UFL1: variants seen among roughly 807,000 people sequenced by gnomAD.
UFL1 encodes the protein UFM1 specific ligase 1.
A neutral mutation model predicts 99.3 loss-of-function variants in UFL1; 78 were observed. The ratio of observed to expected loss-of-function variants is 0.79; its 90% CI spans 0.65 to 0.95. The LOEUF is 0.95. Ranked by LOEUF, UFL1 falls within the 40% of genes least tolerant of loss-of-function variation. The pLI, the probability that UFL1 is intolerant of heterozygous loss-of-function variation, is 0.00. For synonymous variants in UFL1, 335 were observed against 322.2 expected, an observed-to-expected ratio of 1.04 and a Z score of -0.42; for missense variants, 936 against 937.0, an observed-to-expected ratio of 1.00 and a Z score of 0.01.
intron 5 of UFL1, among the ~76,000 whole-genome samples, chr6:96,527,140 T>C (rs901970882): frequency 6.6e-6 from 1 of 152,046 alleles, no homozygotes; most frequent in African/African-American, 2.4e-5. Flanking sequence ...CTGTTTTTTT[T>C]TGTTTGTTTT....
Position 96,549,780 on chromosome 6 carries a change from C to T in UFL1, c.1799C>T (p.Pro600Leu), listed in dbSNP as rs1239322456. The T allele has an allele frequency of 1.2e-6, 2 of 1,611,746 alleles. No homozygotes were observed. The highest frequency in any genetic ancestry group is 2.2e-5 in the East Asian group (1 of 44,816). The change falls in exon 15 of 19, where the codon CCT (proline) becomes CTT (leucine). Residue 600 changes from proline (P) to leucine (L), a missense_variant. Transcript: ENST00000369278. ...GATTTAATGATGGCAGTAGACGATC[C>T]TGCAGCCATTACAAGTGAAGTATGT... is the stretch of plus-strand genomic sequence containing the variant. ...ASDLMMAVDD[P>L]AAITSEIRKK...
intron 12 of UFL1, among the ~76,000 whole-genome samples, chr6:96,543,939 T>C (rs1769965430): frequency 6.6e-6 from 1 of 151,206 alleles, no homozygotes; most frequent in Admixed American, 6.6e-5. Context: ...GTTTTATTTT[T>C]CATTTTCCTA....
chr6:96,524,747 T>G (rs922722856), intron 3 of UFL1, among the ~76,000 whole-genome samples: 1 of 152,158 alleles, frequency 6.6e-6, no homozygotes, highest in African/African-American at 2.4e-5. Flanking sequence ...GGGAGAAAAG[T>G]CACCAGTTTC....
chr6:96,532,455 A>T (rs1005104775), intron 6 of UFL1, among the ~76,000 whole-genome samples: 5 of 152,224 alleles, frequency 3.3e-5, no homozygotes, highest in Non-Finnish European at 7.3e-5. Context: ...TTTGATCACC[A>T]ATGTGGCAGT....
At chr6:96,527,922 G>A (rs1043085259) in intron 5 of UFL1, among the ~76,000 whole-genome samples, 3 of 152,142 alleles carry the variant, frequency 2.0e-5, no homozygotes, top group Admixed American at 1.3e-4. Context: ...GATGCCAGTC[G>A]TAGTATAGCT....
At chr6:96,548,988 ATAGT>A (rs1431128407) in intron 13 of UFL1, among the ~76,000 whole-genome samples, 2 of 151,692 alleles carry the variant, frequency 1.3e-5, no homozygotes, top group African/African-American at 4.8e-5. Flanking sequence ...AAAAAATGAA[ATAGT>A]TACTACTAAT....
intron 6 of UFL1, among the ~76,000 whole-genome samples, chr6:96,533,488 A>G (rs1292772240): frequency 6.6e-6 from 1 of 152,080 alleles, no homozygotes; most frequent in Non-Finnish European, 1.5e-5. Context: ...AGGAGACCAC[A>G]TATTAATTCC....
rs149663677 is a variant in UFL1, at chr6:96,523,662, A to G, written c.223+371A>G. Among the ~76,000 whole-genome samples, 334 of 152,294 alleles carry G rather than the reference A, an allele frequency of 2.2e-3. 1 individual carries two copies. Among genetic ancestry groups the G allele is most frequent in the Non-Finnish European group, 3.6e-3 (245 of 68,000 alleles). On this transcript the variant is annotated intron_variant, in intron 2 of 18. Coordinates refer to ENST00000369278, the MANE Select transcript of UFL1 (RefSeq NM_015323.5). ...TATCTTACAGGATTATAGATTTTTGAAAATCAAGGCTGTATTTCTTTTTAA... is the reference window on the plus strand; with the variant it reads ...TATCTTACAGGATTATAGATTTTTGGAAATCAAGGCTGTATTTCTTTTTAA...
chr6:96,545,853 G>A (rs1769990688), intron 12 of UFL1, among the ~76,000 whole-genome samples: 1 of 150,948 alleles, frequency 6.6e-6, no homozygotes. Context: ...AGAAAACTAG[G>A]CATCAAAGGA....
Position 96,523,216 on chromosome 6 carries a change from A to T in UFL1, c.148A>T (p.Thr50Ser). ...TCAGAAACAGCTAGAAGTAGTTCAT[A>T]CACTCGATGGAAAGGAATATATTAC... ...IAQKQLEVVH[T>S]LDGKEYITPA... The change falls in exon 2 of 19, where the codon ACA becomes TCA. Residue 50 changes from threonine (T) to serine (S), a missense_variant. By Grantham distance (58) the Thr-to-Ser change is moderately conservative (BLOSUM62 1). Transcript: ENST00000369278. 6.2e-7 allele frequency: 1 copy of T among 1,613,636 alleles called. No individual in the cohort carries two copies. The highest frequency in any genetic ancestry group is 8.5e-7 in the Non-Finnish European group (1 of 1,179,742).
rs1313635591 is a variant in UFL1 at position 96,555,187 on chromosome 6, T to A, written c.*1684T>A. On this transcript the variant is annotated 3_prime_UTR_variant, in exon 19 of 19. Transcript: ENST00000369278. ...GCTGATTTTGTATGTAAAGATTAAT[T>A]TCCATAATAAAAATTATTGTATGTT... 6.6e-6 allele frequency: 1 copy of A among 152,164 alleles called. No individual in the cohort carries two copies. The highest frequency in any genetic ancestry group is 1.5e-5 in the Non-Finnish European group (1 of 68,016). 9.4% of individuals were successfully genotyped at this position (152,164 alleles called of 1,614,324 possible).
Position 96,521,933 on chromosome 6 carries a change from C to T in UFL1, c.60C>T (p.Phe20=), listed in dbSNP as rs1268316081. 1 of 1,612,402 alleles carries T rather than the reference C, an allele frequency of 6.2e-7. No homozygotes were observed. Among genetic ancestry groups the T allele is most frequent in the Non-Finnish European group, 8.5e-7 (1 of 1,179,510 alleles). The change falls in exon 1 of 19, where the codon TTC becomes TTT. Residue 20 remains phenylalanine (F), a synonymous_variant. Coordinates refer to ENST00000369278, the MANE Select transcript of UFL1 (RefSeq NM_015323.5). Reference sequence around the variant, plus strand: ...CGGCCGACTTCCAGCGGGCGCAGTTCGCCGAGGCCACGCAGAGGTGCCCGA... The same window carrying T: ...CGGCCGACTTCCAGCGGGCGCAGTTTGCCGAGGCCACGCAGAGGTGCCCGA... ...RLAADFQRAQ[F]AEATQRLSER...
chr6:96,553,254 T>C (rs748290819), intron 18 of UFL1, 31 bp from the exon 19 acceptor site: 2 of 1,584,288 alleles, frequency 1.3e-6, no homozygotes, highest in Admixed American at 1.7e-5. Context: ...AGATAAATTG[T>C]GTTGATTAAC....
chr6:96,535,352 T>C (rs969737128), intron 7 of UFL1, among the ~76,000 whole-genome samples: 3 of 152,028 alleles, frequency 2.0e-5, no homozygotes, highest in Admixed American at 2.0e-4. Flanking sequence ...TTTTTCCTTT[T>C]TAGAGGATTT....
At chr6:96,525,857 C>T (rs1419282437) in intron 4 of UFL1, among the ~76,000 whole-genome samples, 1 of 151,796 alleles carries the variant, frequency 6.6e-6, no homozygotes, top group Non-Finnish European at 1.5e-5. Flanking sequence ...ATACAAATTT[C>T]CACTTAAAAA....
At position 96,521,849 on chromosome 6, in the gene UFL1, C is replaced by A. The variant is rs748303900; in HGVS notation, c.-25C>A. ...TCGGCTGACGTGTCTGCAGTTCCTC[C>A]GCGTCTACTGCGAGTCAGGCCGTGA... On this transcript the variant is annotated 5_prime_UTR_variant, in exon 1 of 19. Coordinates refer to ENST00000369278, the MANE Select transcript of UFL1 (RefSeq NM_015323.5). 1.2e-6 allele frequency: 2 copies of A among 1,605,748 alleles called. No homozygotes were observed.
At chr6:96,532,544 G>T (rs1562252328) in intron 6 of UFL1, among the ~76,000 whole-genome samples, 1 of 152,208 alleles carries the variant, frequency 6.6e-6, no homozygotes, top group African/African-American at 2.4e-5. Flanking sequence ...TCCCACCAGG[G>T]TGAGTGAATT....
chr6:96,548,033 C>T, intron 12 of UFL1, 131 bp from the exon 13 acceptor site: 1 of 607,788 alleles, frequency 1.6e-6, no homozygotes, highest in Non-Finnish European at 2.8e-6. Context: ...CTAGTTGTTG[C>T]TATTTGACAT....
rs753957250 is a variant in UFL1 at position 96,548,160 on chromosome 6, A to G, written c.1403-4A>G. 1.3e-5 allele frequency: 20 copies of G among 1,570,406 alleles called. No individual in the cohort carries two copies. The highest frequency in any genetic ancestry group is 1.7e-5 in the Non-Finnish European group (20 of 1,155,662). ...TTATTTGCCATTGCTCATGTCCGAT[A>G]TAGGAAAGAAGAAGCCAGAGATCAG... On this transcript the variant is annotated splice_region_variant and splice_polypyrimidine_tract_variant and intron_variant, in intron 12 of 18. Coordinates refer to ENST00000369278, the MANE Select transcript of UFL1 (RefSeq NM_015323.5).
Sources: allele counts gnomAD v4.1 joint callset (sites outside exome capture counted in the v4.1 genomes callset), GRCh38; gene constraint gnomAD v4.1.1; transcripts MANE v1.5; gene names NCBI Gene and HGNC (gene_info 2026-07-23, HGNC 2026-07-21).